Variants in PDGFA observed in about 807,000 individuals in gnomAD.
PDGFA encodes platelet-derived growth factor subunit A.
Under a neutral mutation model 25.6 loss-of-function variants are expected in PDGFA, and 9 were observed. That is an observed-to-expected ratio of 0.35 (90% CI 0.21 to 0.61). The LOEUF is 0.61. Among genes scored for constraint, PDGFA ranks in the 20% least tolerant of loss-of-function variants. The pLI is 0.75. For synonymous variants in PDGFA, 133 were observed against 111.8 expected (o/e 1.19, Z -1.20); for missense variants, 242 against 272.8 (o/e 0.89, Z 0.79).
At chr7:513,572 A>G (rs1232180754) in intron 2 of PDGFA, 3 of 151,750 alleles carry the variant, frequency 2.0e-5, no homozygotes, top group Admixed American at 6.6e-5. Context: ...TGAGCCTCAC[A>G]GCCAGGATGC....
intron 4 of PDGFA, 22 bp downstream of exon 4, chr7:510,762 AGGAGAGGAGGGGAGGGGAGGGGAGG>A: frequency 3.0e-6 from 1 of 337,632 alleles, no homozygotes; most frequent in African/African-American, 1.1e-4. Context: ...GGGAGGGGAG[AGGAGAGGAGGGGAGGGGAGGGGAGG>A]GGAGGGGAGG....
intron 3 of PDGFA, among the ~76,000 whole-genome samples, chr7:512,061 T>C (rs751975457): frequency 1.3e-5 from 2 of 152,200 alleles, no homozygotes; most frequent in Admixed American, 6.5e-5. Flanking sequence ...AAGGAATTTA[T>C]GATGGCTCTT....
rs938626189 is a variant in PDGFA at position 500,104 on chromosome 7, C to T, written c.580+1012G>A. ...AATGGGGTGGGTGATCCCAGAGTGG[C>T]CAGGCGCTCAGAGCTGCCCCACCGC... On this transcript the variant is annotated intron_variant, in intron 5 of 5. Transcript: ENST00000402802. This position sits in a 1 kb window ranked among gnomAD's most constrained non-coding sequence, Gnocchi z 5.0. Among the ~76,000 whole-genome samples the T allele has an allele frequency of 6.6e-6, 1 of 152,192 alleles. No individual in the cohort carries two copies. The highest frequency in any genetic ancestry group is 1.5e-5 in the Non-Finnish European group (1 of 68,030).
intron 2 of PDGFA, among the ~76,000 whole-genome samples, chr7:514,166 G>C (rs994085226): frequency 1.3e-5 from 2 of 152,200 alleles, no homozygotes; most frequent in African/African-American, 4.8e-5. Context: ...CTTAGCTTCT[G>C]AGTGTGCGGT....
At position 517,384 on chromosome 7, in the gene PDGFA, C is replaced by G; in HGVS notation, c.160+10G>C. ...CCTCCCCGCGCGCGGAGGGAAGGGGCGCGATTTACCTACGGAGTCTATCTC... is the reference window on the plus strand; with the variant it reads ...CCTCCCCGCGCGCGGAGGGAAGGGGGGCGATTTACCTACGGAGTCTATCTC... On this transcript the variant is annotated intron_variant, in intron 2 of 5. Coordinates refer to ENST00000402802, the Ensembl canonical transcript of PDGFA. The surrounding 1 kb of genome is among the most constrained non-coding windows in gnomAD (Gnocchi z 7.4). 1 of 1,333,536 alleles carries G rather than the reference C, an allele frequency of 7.5e-7. No individual in the cohort carries two copies. Among genetic ancestry groups the G allele is most frequent in the Non-Finnish European group, 9.8e-7 (1 of 1,016,072 alleles). 82.6% of individuals were successfully genotyped at this position (1,333,536 alleles called of 1,614,324 possible). A position where few individuals can be genotyped will look rare whatever the true frequency, so the allele number is the denominator to read the frequency against.
At chr7:516,108 A>G (rs1022415755) in intron 2 of PDGFA, among the ~76,000 whole-genome samples, 2 of 125,956 alleles carry the variant, frequency 1.6e-5, no homozygotes, top group African/African-American at 6.1e-5. Flanking sequence ...TCCCCCCCAC[A>G]AACCAGAGCC....
At chr7:501,276 C>G (rs1420602236) in intron 4 of PDGFA, 34 bp from the exon 5 acceptor site, 1 of 1,612,502 alleles carries the variant, frequency 6.2e-7, no homozygotes, top group Non-Finnish European at 8.5e-7. Flanking sequence ...CCATGAATGC[C>G]TGCATGGAGC....
chr7:500,093 T>G lies in PDGFA; in HGVS notation c.580+1023A>C, dbSNP rs1156547714. 6.6e-6 allele frequency among the ~76,000 whole-genome samples: 1 copy of G among 152,170 alleles called. No homozygotes were observed. Among genetic ancestry groups the G allele is most frequent in the Non-Finnish European group, 1.5e-5 (1 of 68,018 alleles). On this transcript the variant is annotated intron_variant, in intron 5 of 5. Transcript: ENST00000402802. The surrounding 1 kb of genome is among the most constrained non-coding windows in gnomAD (Gnocchi z 5.0). ...TTCATCTGTCAAATGGGGTGGGTGA[T>G]CCCAGAGTGGCCAGGCGCTCAGAGC...
rs565135721 is a variant in PDGFA, at chr7:507,072, C to T, written c.453+3737G>A. ...CCCATCTCCTCGCCAGGTTGACAGC[C>T]GCCTCCATCCGCAGCGGCAGGACCG... On this transcript the variant is annotated intron_variant, in intron 4 of 5. Transcript: ENST00000402802. 3.1e-4 allele frequency among the ~76,000 whole-genome samples: 47 copies of T among 152,338 alleles called. 2 individuals are homozygous for T. In the South Asian group the frequency reaches 9.3e-3, roughly 30 times the overall value.
chr7:505,735 C>T (rs903978908), intron 4 of PDGFA, among the ~76,000 whole-genome samples: 1 of 152,186 alleles, frequency 6.6e-6, no homozygotes, highest in South Asian at 2.1e-4. Context: ...CGTTGAATCT[C>T]CATCCCTAGC....
intron 4 of PDGFA, among the ~76,000 whole-genome samples, chr7:503,560 G>T (rs1051693578): frequency 1.3e-5 from 2 of 152,182 alleles, no homozygotes; most frequent in Admixed American, 6.5e-5. Flanking sequence ...AACCTTCTTG[G>T]GGGGAAGGGG....
At chr7:514,301 C>A (rs1430806283) in intron 2 of PDGFA, among the ~76,000 whole-genome samples, 5 of 152,206 alleles carry the variant, frequency 3.3e-5, no homozygotes, top group Non-Finnish European at 5.9e-5. Flanking sequence ...GCCCCGCCAC[C>A]CTCTAGCCCT....
At chr7:498,388 G>T in exon 6 of PDGFA, 1 of 606,948 alleles carries the variant, frequency 1.6e-6, no homozygotes, top group South Asian at 2.1e-5. Flanking sequence ...TACTTGCTTT[G>T]ATGTCACATT....
chr7:511,292 TGG>T (rs1562490191), intron 3 of PDGFA, among the ~76,000 whole-genome samples: 2 of 20,780 alleles, frequency 9.6e-5, no homozygotes, highest in African/African-American at 2.1e-4. Flanking sequence ...TGGCTGGGGG[TGG>T]GGAGAGGGGA....
At chr7:504,343 G>T (rs1383167302) in intron 4 of PDGFA, among the ~76,000 whole-genome samples, 2 of 152,090 alleles carry the variant, frequency 1.3e-5, no homozygotes, top group Non-Finnish European at 2.9e-5. Context: ...AAGAGGAGCA[G>T]CAGGGCCACC....
rs757641823 is a variant in PDGFA at position 500,495 on chromosome 7, C to G, written c.580+621G>C. 1.9e-6 allele frequency: 3 copies of G among 1,613,908 alleles called. No individual in the cohort carries two copies. Among genetic ancestry groups the G allele is most frequent in the Non-Finnish European group, 2.5e-6 (3 of 1,180,016 alleles). On this transcript the variant is annotated intron_variant, in intron 5 of 5. Coordinates refer to ENST00000402802, the Ensembl canonical transcript of PDGFA. The surrounding 1 kb of genome is among the most constrained non-coding windows in gnomAD (Gnocchi z 5.0). ...TCCGTTTTTTACCTGACTCCCTAGG[C>G]CTTCCTGTTAACAAAAGGGCAGGGC...
chr7:514,173 C>T lies in PDGFA; in HGVS notation c.161-1718G>A, dbSNP rs113314503. The stretch of plus-strand genomic sequence containing the variant: ...ACCAATGACTTAGCTTCTGAGTGTG[C>T]GGTGGGTGCTATCACTTCTTCACAT... On this transcript the variant is annotated intron_variant, in intron 2 of 5. Transcript: ENST00000402802. 9.4e-3 allele frequency among the ~76,000 whole-genome samples: 1,434 copies of T among 152,254 alleles called. 30 individuals carry two copies. The highest frequency in any genetic ancestry group is 0.033 in the African/African-American group (1,363 of 41,536).
chr7:509,200 C>T (rs1211691415), intron 4 of PDGFA, among the ~76,000 whole-genome samples: 1 of 152,236 alleles, frequency 6.6e-6, no homozygotes, highest in Non-Finnish European at 1.5e-5. Context: ...GTGGCAGGAA[C>T]GCCAGCACCC....
In PDGFA at chr7:517,428, C is replaced by T; in HGVS notation, c.126G>A (p.Arg42=). The change falls in exon 2 of 6, where the codon CGG becomes CGA. Residue 42 remains arginine, a synonymous_variant. Coordinates refer to ENST00000402802, the Ensembl canonical transcript of PDGFA. The surrounding 1 kb of genome is among the most constrained non-coding windows in gnomAD (Gnocchi z 7.4). The stretch of plus-strand genomic sequence containing the variant: ...CTATCTCCAGGAGTCGCTGGAGGTC[C>T]CGGATGCTGTGGATCTGACTGCGGG... 1 of 1,394,236 alleles carries T rather than the reference C, an allele frequency of 7.2e-7. No individual in the cohort carries two copies. The allele number at this position is 1,394,236 out of a possible 1,614,324, so 86.4% of individuals were successfully genotyped here. A position where few individuals can be genotyped will look rare whatever the true frequency, so the allele number is the denominator to read the frequency against.
Sources: gnomAD v4.1 joint callset for allele counts (sites outside exome capture counted in the v4.1 genomes callset) on GRCh38, gnomAD v4.1.1 for gene constraint, Gnocchi (gnomAD v3.1) non-coding constraint, MANE v1.5 for transcripts, NCBI Gene and HGNC (gene_info 2026-07-23, HGNC 2026-07-21) for gene names.